The following ZNG1A variants were observed in gnomAD, a reference collection of about 807,000 sequenced individuals.
ZNG1A encodes the protein Zn regulated GTPase metalloprotein activator 1A, also known as zinc-regulated GTPase metalloprotein activator 1A.
the ZNG1A span, among the ~76,000 whole-genome samples, chr9:139,798 G>C: frequency 4.6e-5 from 7 of 151,652 alleles, no homozygotes; most frequent in Admixed American, 2.6e-4. Context: ...CAGGTCAGTG[G>C]GTGCGTGCAC....
the ZNG1A span, among the ~76,000 whole-genome samples, chr9:140,523 C>A: frequency 6.6e-6 from 1 of 151,782 alleles, no homozygotes; most frequent in Non-Finnish European, 1.5e-5. Flanking sequence ...ACATCACCAT[C>A]ATCAAAGACC....
the ZNG1A span, among the ~76,000 whole-genome samples, chr9:160,564 G>A: frequency 6.6e-6 from 1 of 150,740 alleles, no homozygotes. Flanking sequence ...GAGGTTAAAC[G>A]TTTACTGTGT....
the ZNG1A span, chr9:160,078 A>G: frequency 2.2e-6 from 1 of 454,720 alleles, no homozygotes; most frequent in Non-Finnish European, 4.4e-6. Context: ...GAACAATGTC[A>G]GTAGCCTGGG....
At chr9:141,203 A>G in the ZNG1A span, among the ~76,000 whole-genome samples, 1 of 134,178 alleles carries the variant, frequency 7.5e-6, no homozygotes, top group African/African-American at 2.9e-5. Context: ...CCACAAAGAT[A>G]CTCCTCGAGA....
the ZNG1A span, among the ~76,000 whole-genome samples, chr9:129,683 G>A: frequency 6.0e-5 from 9 of 149,938 alleles, no homozygotes; most frequent in African/African-American, 2.3e-4. Context: ...ATTGGGGGGG[G>A]CTGTTCAATG....
At chr9:139,548 A>T in the ZNG1A span, among the ~76,000 whole-genome samples, 2 of 152,106 alleles carry the variant, frequency 1.3e-5, no homozygotes, top group African/African-American at 4.8e-5. Context: ...AAAGAAAAAG[A>T]TACTGATGCA....
chr9:165,360 T>C, the ZNG1A span, among the ~76,000 whole-genome samples: 1 of 149,874 alleles, frequency 6.7e-6, no homozygotes, highest in East Asian at 1.9e-4. Flanking sequence ...CAAATCCTAC[T>C]GTTAATATTT....
At chr9:138,735 C>G in the ZNG1A span, among the ~76,000 whole-genome samples, 2 of 128,932 alleles carry the variant, frequency 1.6e-5, no homozygotes, top group African/African-American at 3.4e-5. Flanking sequence ...ACCATGCTTA[C>G]AGAAAATTAA....
chr9:178,952 T>G, the ZNG1A span: 1 of 1,103,926 alleles, frequency 9.1e-7, no homozygotes, highest in Non-Finnish European at 1.3e-6. Context: ...CATCCGCAGA[T>G]CCAACAGCCG....
chr9:130,723 C>T, the ZNG1A span, among the ~76,000 whole-genome samples: 2 of 148,194 alleles, frequency 1.3e-5, no homozygotes, highest in African/African-American at 2.6e-5. Context: ...CATAAGCCAC[C>T]ACACCCAGCC....
the ZNG1A span, among the ~76,000 whole-genome samples, chr9:149,950 C>G: frequency 6.7e-6 from 1 of 148,634 alleles, no homozygotes; most frequent in Admixed American, 6.7e-5. Context: ...ACACACTATT[C>G]CTTTTCCTTA....
the ZNG1A span, chr9:146,197 T>G: frequency 6.3e-7 from 1 of 1,584,330 alleles, no homozygotes; most frequent in Non-Finnish European, 8.5e-7. Context: ...TTGGAAATTC[T>G]GTGAAATACA....
chr9:161,775 A>T, the ZNG1A span: 1 of 492,604 alleles, frequency 2.0e-6, no homozygotes, highest in East Asian at 6.9e-5. Context: ...AAGTTAACAA[A>T]AACATTCATA....
chr9:129,988 C>A, the ZNG1A span, among the ~76,000 whole-genome samples: 1 of 150,718 alleles, frequency 6.6e-6, no homozygotes, highest in Non-Finnish European at 1.5e-5. Context: ...AGGCTACAAA[C>A]CTGTACAGCA....
At chr9:140,366 A>G in the ZNG1A span, among the ~76,000 whole-genome samples, 13 of 151,164 alleles carry the variant, frequency 8.6e-5, no homozygotes, top group Non-Finnish European at 1.6e-4. Context: ...CTGACCCCCG[A>G]GCAGCCTAAC....
At chr9:147,454 C>A in the ZNG1A span, 1 of 114,958 alleles carries the variant, frequency 8.7e-6, no homozygotes, top group Non-Finnish European at 1.7e-5. Flanking sequence ...AACAGTCTAT[C>A]ACATACTCGT....
chr9:147,156 A>G, the ZNG1A span: 1 of 139,068 alleles, frequency 7.2e-6, no homozygotes, highest in African/African-American at 2.8e-5. Flanking sequence ...CCAGCCTGGC[A>G]CAGAGTGAGA....
At chr9:152,387 CATAA>C in the ZNG1A span, among the ~76,000 whole-genome samples, 2 of 152,154 alleles carry the variant, frequency 1.3e-5, no homozygotes, top group African/African-American at 4.8e-5. Flanking sequence ...AAAAATCATT[CATAA>C]ATAGTCAGTT....
At chr9:131,772 C>T in the ZNG1A span, among the ~76,000 whole-genome samples, 4 of 149,524 alleles carry the variant, frequency 2.7e-5, no homozygotes, top group African/African-American at 1.0e-4. Flanking sequence ...GTTTCAGGCC[C>T]TTATCACACA....
Sources: gnomAD v4.1 joint callset for allele counts (sites outside exome capture counted in the v4.1 genomes callset) on GRCh38, gnomAD v4.1.1 for gene constraint, MANE v1.5 for transcripts, NCBI Gene and HGNC (gene_info 2026-07-23, HGNC 2026-07-21) for gene names.